The following CCDC92B variants were observed in gnomAD, a reference collection of about 807,000 sequenced individuals.
CCDC92B encodes the protein coiled-coil domain containing 92B.
CCDC92B carries 2 observed loss-of-function variants against 5.6 expected under a neutral mutation model. The observed-to-expected ratio is 0.36, with a 90% CI of 0.15 to 1.12. CCDC92B has a LOEUF of 1.12. Ranked by LOEUF, CCDC92B falls within the 50% of genes most tolerant of loss-of-function variation. CCDC92B has a pLI of 0.40. For synonymous variants in CCDC92B, 115 were observed against 122.3 expected, an observed-to-expected ratio of 0.94 and a Z score of 0.39; for missense variants, 271 against 262.2, an observed-to-expected ratio of 1.03 and a Z score of -0.23.
intron 1 of CCDC92B, chr17:2,748,368 A>C (rs2071012785): frequency 2.0e-6 from 2 of 984,678 alleles, no homozygotes; most frequent in Non-Finnish European, 2.4e-6. Context: ...TCTGTTCCCC[A>C]GGCAATTTGT....
At chr17:2,734,947 C>G in intron 2 of CCDC92B, 69 bp downstream of exon 2, 1 of 979,270 alleles carries the variant, frequency 1.0e-6, no homozygotes, top group Non-Finnish European at 1.2e-6. Flanking sequence ...TGGGCACAAC[C>G]CAGAGACAGT....
At chr17:2,746,202 G>A (rs1567619983) in intron 1 of CCDC92B, among the ~76,000 whole-genome samples, 2 of 152,082 alleles carry the variant, frequency 1.3e-5, no homozygotes, top group African/African-American at 4.8e-5. Flanking sequence ...GGCTGGTCTC[G>A]AACTCCTGAC....
At chr17:2,747,734 A>C (rs1437810818) in intron 1 of CCDC92B, among the ~76,000 whole-genome samples, 2 of 152,180 alleles carry the variant, frequency 1.3e-5, no homozygotes, top group Non-Finnish European at 2.9e-5. Flanking sequence ...TCTCAAAAGA[A>C]ATAATCAATA....
chr17:2,733,450 G>A (rs900012150), intron 2 of CCDC92B, among the ~76,000 whole-genome samples: 1 of 151,750 alleles, frequency 6.6e-6, no homozygotes, highest in African/African-American at 2.4e-5. Context: ...GTAGAGACGG[G>A]GTTTCTCCAT....
In CCDC92B at chr17:2,724,292, G is replaced by GC; in HGVS notation, c.*118dup. The GC allele has an allele frequency of 1.0e-6, 1 of 985,262 alleles. No homozygotes were observed. The highest frequency in any genetic ancestry group is 1.2e-6 in the Non-Finnish European group (1 of 829,878). 61.0% of individuals were successfully genotyped at this position (985,262 alleles called of 1,614,324 possible). A position where few individuals can be genotyped will look rare whatever the true frequency, so the allele number is the denominator to read the frequency against. Reference sequence around the variant, plus strand: ...ATTTGGGGGGAGCCGGGGCCGCCTCGCCCCGCTTCCTGGAGGAGGGGCGGC... The same window carrying GC: ...ATTTGGGGGGAGCCGGGGCCGCCTCGCCCCCGCTTCCTGGAGGAGGGGCGGC... On this transcript the variant is annotated 3_prime_UTR_variant, in exon 4 of 4. Coordinates refer to ENST00000614400, the MANE Select transcript of CCDC92B (RefSeq NM_001355573.2). The surrounding 1 kb of genome is among the most constrained non-coding windows in gnomAD (Gnocchi z 5.0).
intron 1 of CCDC92B, among the ~76,000 whole-genome samples, chr17:2,743,921 AG>A (rs1318864542): frequency 1.3e-5 from 2 of 151,780 alleles, no homozygotes; most frequent in East Asian, 3.9e-4. Flanking sequence ...TCTGTTGCCC[AG>A]GTTGGAGTGC....
intron 1 of CCDC92B, chr17:2,748,188 G>A (rs1481563192): frequency 1.8e-6 from 1 of 553,642 alleles, no homozygotes; most frequent in Non-Finnish European, 3.5e-6. Context: ...CTGCTCTGAT[G>A]ACAAACTCTT....
chr17:2,721,196 G>A lies in CCDC92B; in HGVS notation c.*3215C>T, dbSNP rs996188260. Reference sequence around the variant, plus strand: ...AGAGGGTGCTGTGGCTGAGCTGTGGGGGCCAGGGGTACAGAGCCTCAAACC... The same window carrying A: ...AGAGGGTGCTGTGGCTGAGCTGTGGAGGCCAGGGGTACAGAGCCTCAAACC... On this transcript the variant is annotated 3_prime_UTR_variant, in exon 4 of 4. Coordinates refer to ENST00000614400, the MANE Select transcript of CCDC92B (RefSeq NM_001355573.2). The A allele has an allele frequency of 1.3e-5, 2 of 152,422 alleles. No individual in the cohort carries two copies. The highest frequency in any genetic ancestry group is 4.8e-5 in the African/African-American group (2 of 41,464). The allele number at this position is 152,422 out of a possible 1,614,324, so 9.4% of individuals were successfully genotyped here.
At chr17:2,730,030 G>A (rs7219019) in intron 3 of CCDC92B, among the ~76,000 whole-genome samples, 17,842 of 152,200 alleles carry the variant, frequency 0.12, 1,215 homozygotes, top group Middle Eastern at 0.19. Context: ...AGGATGGGAA[G>A]GACTGGGGAG....
intron 3 of CCDC92B, among the ~76,000 whole-genome samples, chr17:2,729,134 A>G (rs1202664517): frequency 1.3e-5 from 2 of 152,012 alleles, no homozygotes; most frequent in Admixed American, 1.3e-4. Context: ...GGTTTCCTAA[A>G]GTCTTGGGAT....
intron 1 of CCDC92B, among the ~76,000 whole-genome samples, chr17:2,746,472 T>C (rs1425720696): frequency 6.6e-6 from 1 of 152,176 alleles, no homozygotes; most frequent in African/African-American, 2.4e-5. Flanking sequence ...AAGGCTTCTG[T>C]GCTCAGGTCC....
chr17:2,742,884 G>C (rs962912932), intron 1 of CCDC92B, among the ~76,000 whole-genome samples: 1 of 152,140 alleles, frequency 6.6e-6, no homozygotes, highest in African/African-American at 2.4e-5. Flanking sequence ...CTGTTGCTCA[G>C]GCCAAAACTT....
intron 1 of CCDC92B, among the ~76,000 whole-genome samples, chr17:2,736,807 G>A (rs2070862939): frequency 6.6e-6 from 1 of 151,712 alleles, no homozygotes; most frequent in Non-Finnish European, 1.5e-5. Context: ...CTTGAACCCG[G>A]GAGGTGGAAG....
intron 3 of CCDC92B, among the ~76,000 whole-genome samples, chr17:2,728,615 C>CA (rs1220186728): frequency 5.7e-4 from 77 of 135,972 alleles, no homozygotes; most frequent in South Asian, 4.0e-3. Flanking sequence ...AAAAAAAAAA[C>CA]AAAAAAAACA....
rs571457079 is a variant in CCDC92B, at chr17:2,741,655, T to G, written c.-23-6487A>C. On this transcript the variant is annotated intron_variant, in intron 1 of 3. Transcript: ENST00000614400. ...TCGCCCAGGCTGGAGTGCAGTGGTG[T>G]GATCTCGGCTCACTGCAAGCTCTGC... is the stretch of plus-strand genomic sequence containing the variant. Among the ~76,000 whole-genome samples, 265 of 144,746 alleles carry G rather than the reference T, an allele frequency of 1.8e-3. 2 individuals carry two copies. Among genetic ancestry groups the G allele is most frequent in the African/African-American group, 6.4e-3 (250 of 39,236 alleles). 95.0% of individuals were successfully genotyped at this position (144,746 alleles called of 152,430 possible).
chr17:2,747,195 G>A (rs958044296), intron 1 of CCDC92B, among the ~76,000 whole-genome samples: 2 of 152,100 alleles, frequency 1.3e-5, no homozygotes, highest in Non-Finnish European at 2.9e-5. Flanking sequence ...ACTCACTGGC[G>A]GGTTCTCTTG....
At chr17:2,744,327 A>G (rs1418653350) in intron 1 of CCDC92B, among the ~76,000 whole-genome samples, 3 of 151,420 alleles carry the variant, frequency 2.0e-5, no homozygotes, top group Admixed American at 6.6e-5. Flanking sequence ...ACTGCGCTGC[A>G]CCCGGCCTAA....
At chr17:2,748,553 T>C (rs2071016140) in intron 1 of CCDC92B, 1 of 982,870 alleles carries the variant, frequency 1.0e-6, no homozygotes, top group South Asian at 4.7e-5. Flanking sequence ...TGTGCCTGAA[T>C]GCACCTGGCT....
At chr17:2,742,152 G>A (rs2070933603) in intron 1 of CCDC92B, among the ~76,000 whole-genome samples, 2 of 151,602 alleles carry the variant, frequency 1.3e-5, no homozygotes, top group South Asian at 4.2e-4. Flanking sequence ...GCTCATTGCA[G>A]CCTCCAACTC....
Sources: gnomAD v4.1 joint callset for allele counts (sites outside exome capture counted in the v4.1 genomes callset) on GRCh38, gnomAD v4.1.1 for gene constraint, Gnocchi (gnomAD v3.1) non-coding constraint, MANE v1.5 for transcripts, NCBI Gene and HGNC (gene_info 2026-07-23, HGNC 2026-07-21) for gene names.